SGSM1: variants seen among roughly 807,000 people sequenced by gnomAD.
SGSM1 encodes RUN and TBC1 domain containing 2.
In SGSM1, 73 loss-of-function variants were observed where a neutral mutation model predicts 133.8. The ratio of observed to expected loss-of-function variants is 0.55; its 90% CI spans 0.45 to 0.66. The LOEUF (loss-of-function observed/expected upper bound fraction) is 0.66, where lower values mean the gene tolerates loss of function less well. SGSM1 is among the 30% of genes least tolerant of loss of function. The pLI is 0.00. For synonymous variants in SGSM1, 563 were observed against 573.0 expected (o/e 0.98, Z 0.25); for missense variants, 1,213 against 1,448.1 (o/e 0.84, Z 2.64).
intron 2 of SGSM1, among the ~76,000 whole-genome samples, chr22:24,822,384 G>T (rs563630015): frequency 6.6e-6 from 1 of 152,026 alleles, no homozygotes; most frequent in African/African-American, 2.4e-5. Flanking sequence ...GAGCCACCGC[G>T]CCTGGTCTCA....
At chr22:24,821,057 A>G (rs1928439865) in intron 2 of SGSM1, among the ~76,000 whole-genome samples, 1 of 151,720 alleles carries the variant, frequency 6.6e-6, no homozygotes, top group East Asian at 1.9e-4. Flanking sequence ...TCCTTTCTTG[A>G]TGGAGTTTCA....
rs1050173012 is a variant in SGSM1 at position 24,847,504 on chromosome 22, G to T, written c.140-130G>T. On this transcript the variant is annotated intron_variant, in intron 3 of 24. Transcript: ENST00000400358. ...ATACAAGTGTGAGCTCCCTGTCTCT[G>T]GGGTAAGACAGAAGGTAAGAAGATT... 17 of 1,165,686 alleles carry T rather than the reference G, an allele frequency of 1.5e-5. 1 individual carries two copies. In the South Asian group the frequency reaches 2.8e-4, roughly 19 times the overall value. 72.2% of individuals were successfully genotyped at this position (1,165,686 alleles called of 1,614,324 possible).
chr22:24,921,972 A>G (rs1334938211), intron 24 of SGSM1, among the ~76,000 whole-genome samples: 1 of 152,108 alleles, frequency 6.6e-6, no homozygotes, highest in Non-Finnish European at 1.5e-5. Flanking sequence ...AAGTACTGGG[A>G]TTACAGGTGT....
chr22:24,812,800 C>T (rs1213552930), intron 2 of SGSM1, among the ~76,000 whole-genome samples: 2 of 152,100 alleles, frequency 1.3e-5, no homozygotes, highest in Non-Finnish European at 2.9e-5. Flanking sequence ...CCCCCACTTC[C>T]GTTCTTCCTT....
chr22:24,876,784 C>G (rs1390255807), intron 13 of SGSM1, 69 bp downstream of exon 13: 5 of 1,594,286 alleles, frequency 3.1e-6, no homozygotes, highest in Admixed American at 1.7e-5. Flanking sequence ...ATGCCCATGT[C>G]TTACCCTGCA....
intron 3 of SGSM1, among the ~76,000 whole-genome samples, chr22:24,845,975 TTCTTTCTTTC>T (rs1414907360): frequency 5.5e-5 from 8 of 146,590 alleles, no homozygotes; most frequent in Non-Finnish European, 1.0e-4. Flanking sequence ...CTTTCTTTCT[TTCTTTCTTTC>T]TTTCTTTCTT....
chr22:24,855,456 T>G, intron 7 of SGSM1, 26 bp downstream of exon 7: 2 of 1,613,194 alleles, frequency 1.2e-6, no homozygotes, highest in Non-Finnish European at 1.7e-6. Flanking sequence ...AGTGGGGCAG[T>G]GGGAGGGACC....
At chr22:24,867,026 C>T in intron 9 of SGSM1, 67 bp from the exon 10 acceptor site, 1 of 1,522,704 alleles carries the variant, frequency 6.6e-7, no homozygotes, top group Non-Finnish European at 9.0e-7. Context: ...GTCTGCTGGC[C>T]TCTGAGCCCC....
At chr22:24,878,016 G>A (rs577287129) in intron 13 of SGSM1, among the ~76,000 whole-genome samples, 2 of 151,808 alleles carry the variant, frequency 1.3e-5, no homozygotes, top group Admixed American at 1.3e-4. Flanking sequence ...TCACTATGTT[G>A]GCCAGTCTGC....
intron 21 of SGSM1, among the ~76,000 whole-genome samples, chr22:24,908,471 A>G (rs1159854893): frequency 6.6e-6 from 1 of 152,176 alleles, no homozygotes; most frequent in Non-Finnish European, 1.5e-5. Flanking sequence ...AAGGACTTGT[A>G]ACCAAAATAT....
rs76484309 is a variant in SGSM1, at chr22:24,882,197, G to A, written c.1496-1856G>A. On this transcript the variant is annotated intron_variant, in intron 14 of 24. Transcript: ENST00000400358. ...TCCTCCCACCTCAGCCTCCTGAGTA[G>A]CTGGAACTACAGGCCGGTGCCAGTA... 8.5e-5 allele frequency among the ~76,000 whole-genome samples: 13 copies of A among 152,184 alleles called. No homozygotes were observed. The East Asian group carries it at 2.5e-3, about 29-fold the overall frequency.
At chr22:24,858,526 C>G (rs1435095456) in intron 8 of SGSM1, among the ~76,000 whole-genome samples, 1 of 151,638 alleles carries the variant, frequency 6.6e-6, no homozygotes, top group Non-Finnish European at 1.5e-5. Flanking sequence ...ATCCCCACTA[C>G]TCGGGAAGTT....
rs371312754 is a variant in SGSM1 at position 24,909,732 on chromosome 22, A to G, written c.2819-2911A>G. Among the ~76,000 whole-genome samples the G allele has an allele frequency of 3.3e-5, 5 of 152,198 alleles. No individual in the cohort carries two copies. The South Asian group carries it at 8.3e-4, about 25-fold the overall frequency. ...TGGCCTCCCAAAGTGCTGGGATTAC[A>G]GGCGTGAGCGACCATGCCTGGCTGG... is the stretch of plus-strand genomic sequence containing the variant. On this transcript the variant is annotated intron_variant, in intron 21 of 24. Transcript: ENST00000400358.
chr22:24,810,929 A>C (rs1472458834), intron 2 of SGSM1, among the ~76,000 whole-genome samples: 1 of 152,156 alleles, frequency 6.6e-6, no homozygotes, highest in Non-Finnish European at 1.5e-5. Flanking sequence ...GGGACCCTGC[A>C]GTTTTACTGT....
At chr22:24,924,137 G>A (rs758116976) in intron 24 of SGSM1, 49 bp from the exon 25 acceptor site, 2 of 1,570,110 alleles carry the variant, frequency 1.3e-6, no homozygotes, top group African/African-American at 1.4e-5. Flanking sequence ...TGTACCCTAA[G>A]ACTGGACACA....
intron 16 of SGSM1, among the ~76,000 whole-genome samples, chr22:24,889,862 G>A (rs1284743530): frequency 6.7e-6 from 1 of 148,680 alleles, no homozygotes; most frequent in Non-Finnish European, 1.5e-5. Flanking sequence ...TGTTGGCCGG[G>A]CTGGTCTTGA....
chr22:24,813,743 C>G (rs562059900), intron 2 of SGSM1: 2 of 152,444 alleles, frequency 1.3e-5, no homozygotes, highest in East Asian at 3.9e-4. Flanking sequence ...CTTAGGCACC[C>G]TGGTTCGATG....
chr22:24,851,342 C>T (rs79840307), intron 5 of SGSM1, among the ~76,000 whole-genome samples: 3 of 150,010 alleles, frequency 2.0e-5, no homozygotes, highest in Non-Finnish European at 2.9e-5. Flanking sequence ...TGTATATCAT[C>T]GCAAGAGCAG....
intron 18 of SGSM1, 27 bp from the exon 19 acceptor site, chr22:24,897,945 A>G (rs563295059): frequency 5.1e-6 from 8 of 1,554,006 alleles, no homozygotes; most frequent in Non-Finnish European, 4.4e-6. Context: ...ATGCCGGTCC[A>G]TCTGTTTTTG....
Sources: gnomAD v4.1 joint callset for allele counts (sites outside exome capture counted in the v4.1 genomes callset) on GRCh38, gnomAD v4.1.1 for gene constraint, MANE v1.5 for transcripts, NCBI Gene and HGNC (gene_info 2026-07-23, HGNC 2026-07-21) for gene names.